Variants in NDRG2 observed in about 807,000 individuals in gnomAD.
NDRG2 encodes the protein protein NDRG2.
A neutral mutation model predicts 58.2 loss-of-function variants in NDRG2; 34 were observed. The ratio of observed to expected loss-of-function variants is 0.58; its 90% CI spans 0.44 to 0.78. The LOEUF is 0.78. NDRG2 is among the 30% of genes least tolerant of loss of function. The pLI, the probability that NDRG2 is intolerant of heterozygous loss-of-function variation, is 0.00. For missense variants in NDRG2, 434 were observed against 471.2 expected (o/e 0.92, Z 0.73); for synonymous variants, 187 against 175.9 (o/e 1.06, Z -0.50).
Position 21,021,895 on chromosome 14 carries a change from A to T in NDRG2, c.345-16T>A. ...GTACTGATATCTGGAAAAGAGAGGC[A>T]TGTTAAGGAAGATACCAACCTGCCC... On this transcript the variant is annotated splice_polypyrimidine_tract_variant and intron_variant, in intron 5 of 15. Coordinates refer to ENST00000556147, the MANE Select transcript of NDRG2 (RefSeq NM_001320329.2). The T allele has an allele frequency of 1.2e-6, 2 of 1,612,556 alleles. No homozygotes were observed. The highest frequency in any genetic ancestry group is 1.7e-6 in the Non-Finnish European group (2 of 1,179,260).
chr14:21,023,101 T>C (rs1334345156), intron 2 of NDRG2, 140 bp downstream of exon 2: 1 of 887,834 alleles, frequency 1.1e-6, no homozygotes. Context: ...CCAATTATAG[T>C]GTATGGGGAG....
intron 1 of NDRG2, among the ~76,000 whole-genome samples, chr14:21,040,468 G>A (rs564250464): frequency 9.8e-5 from 15 of 152,328 alleles, no homozygotes; most frequent in African/African-American, 2.6e-4. Flanking sequence ...TGGGTTGTGC[G>A]ACTTCTCCAC....
At chr14:21,022,544 C>G in intron 3 of NDRG2, 47 bp from the exon 4 acceptor site, 1 of 1,435,298 alleles carries the variant, frequency 7.0e-7, no homozygotes, top group African/African-American at 1.4e-5. Context: ...GGAGACGAGG[C>G]CAGAAAAGGA....
At position 21,070,545 on chromosome 14, in the gene NDRG2, T is replaced by C. The variant is rs554705282; in HGVS notation, c.24+283A>G. On this transcript the variant is annotated intron_variant, in intron 1 of 14. Transcript: ENST00000403829. The surrounding 1 kb of genome is among the most constrained non-coding windows in gnomAD (Gnocchi z 4.7). The stretch of plus-strand genomic sequence containing the variant: ...TCTCCTCCCTCCCATCCCCCCTTCT[T>C]CGATTTGTCTGTCTGCCCGACTGTT... 328 of 1,042,376 alleles carry C rather than the reference T, an allele frequency of 3.1e-4. 1 individual carries two copies. In the African/African-American group the frequency reaches 4.9e-3, roughly 15 times the overall value. 64.6% of individuals were successfully genotyped at this position (1,042,376 alleles called of 1,614,324 possible).
intron 1 of NDRG2, chr14:21,048,243 C>A: frequency 6.6e-6 from 1 of 152,218 alleles, no homozygotes; most frequent in Non-Finnish European, 1.5e-5. Context: ...GCAGTTATAG[C>A]TCTTATCAGG....
intron 8 of NDRG2, 23 bp downstream of exon 8, chr14:21,020,473 T>C (rs1879558348): frequency 1.2e-6 from 2 of 1,605,904 alleles, no homozygotes. Context: ...ACCGTAGGTC[T>C]CAGCACACAG....
rs1199852050 is a variant in NDRG2 at position 21,024,435 on chromosome 14, G to A, written c.-412C>T. ...TTGCCCCAGTTAGTTACTACATTTG[G>A]CCTCAATTTTCTATCTGCAGGGGGA... is the stretch of plus-strand genomic sequence containing the variant. On this transcript the variant is annotated 5_prime_UTR_variant, in exon 1 of 16. Coordinates refer to ENST00000556147, the MANE Select transcript of NDRG2 (RefSeq NM_001320329.2). 2.2e-6 allele frequency: 2 copies of A among 921,006 alleles called. No individual in the cohort carries two copies. Among genetic ancestry groups the A allele is most frequent in the Non-Finnish European group, 2.6e-6 (2 of 771,344 alleles). The allele number at this position is 921,006 out of a possible 1,614,324, so 57.1% of individuals were successfully genotyped here.
chr14:21,063,232 A>ATG (rs924574135), intron 1 of NDRG2, among the ~76,000 whole-genome samples: 20 of 150,880 alleles, frequency 1.3e-4, no homozygotes, highest in African/African-American at 2.7e-4. Flanking sequence ...GTGTGTGTGT[A>ATG]TGTGTGTGTG....
chr14:21,068,820 A>G (rs570530285), intron 1 of NDRG2, among the ~76,000 whole-genome samples: 1 of 152,324 alleles, frequency 6.6e-6, no homozygotes, highest in African/African-American at 2.4e-5. Flanking sequence ...TCTTGCCTCT[A>G]AGAAGGATGA....
At chr14:21,041,844 C>G (rs950880395) in intron 1 of NDRG2, among the ~76,000 whole-genome samples, 3 of 152,158 alleles carry the variant, frequency 2.0e-5, no homozygotes, top group East Asian at 3.9e-4. Context: ...TGCCAGGCCT[C>G]GTGACAGTGA....
chr14:21,037,717 A>C (rs1353925616), intron 1 of NDRG2, among the ~76,000 whole-genome samples: 1 of 152,246 alleles, frequency 6.6e-6, no homozygotes, highest in Non-Finnish European at 1.5e-5. Context: ...AAAAATGATA[A>C]ACATCTGGGA....
chr14:21,023,351 G>A (rs1209928211), intron 1 of NDRG2, 30 bp from the exon 2 acceptor site: 1 of 1,591,076 alleles, frequency 6.3e-7, no homozygotes, highest in Admixed American at 1.7e-5. Flanking sequence ...AGACTGGGAA[G>A]TTGTCTCTAC....
At chr14:21,028,137 T>C (rs574324591), upstream of NDRG2, among the ~76,000 whole-genome samples, 1 of 152,304 alleles carries the variant, frequency 6.6e-6, no homozygotes, top group South Asian at 2.1e-4. Flanking sequence ...CCAGGGACTA[T>C]GCTCCTTCCA....
At chr14:21,058,272 C>T in intron 1 of NDRG2, 1 of 1,614,154 alleles carries the variant, frequency 6.2e-7, no homozygotes, top group East Asian at 2.2e-5. Context: ...CACCTGAACA[C>T]ACCTTACATA....
intron 6 of NDRG2, 122 bp from the exon 7 acceptor site, chr14:21,020,966 G>A (rs1417485824): frequency 3.5e-6 from 4 of 1,131,228 alleles, no homozygotes; most frequent in South Asian, 1.3e-5. Flanking sequence ...GGCAGACACG[G>A]ACCTTTCTTT....
intron 1 of NDRG2, among the ~76,000 whole-genome samples, chr14:21,057,111 A>G (rs759793958): frequency 3.9e-5 from 6 of 152,170 alleles, no homozygotes; most frequent in Non-Finnish European, 7.3e-5. Flanking sequence ...AGAGTGGGGT[A>G]TTGACCTTTC....
At chr14:21,033,080 G>T (rs771029764) in intron 1 of NDRG2, 1 of 432,878 alleles carries the variant, frequency 2.3e-6, no homozygotes, top group Admixed American at 2.7e-5. Context: ...TGGGGAATGG[G>T]TGAGAGAAGA....
In NDRG2 at chr14:21,021,676, A is replaced by G. The variant is rs547724709; in HGVS notation, c.407+141T>C. 1.2e-4 allele frequency: 108 copies of G among 926,204 alleles called. 2 individuals are homozygous for G. The South Asian group carries it at 1.7e-3, about 15-fold the overall frequency. 57.4% of individuals were successfully genotyped at this position (926,204 alleles called of 1,614,324 possible). On this transcript the variant is annotated intron_variant, in intron 6 of 15. Transcript: ENST00000556147. ...AACCCACCACCTTTTCTCAATAATC[A>G]AGGCGGGAGCATGAAGGAAGAAGAT...
At chr14:21,027,416 T>C (rs1232349094), upstream of NDRG2, among the ~76,000 whole-genome samples, 2 of 152,236 alleles carry the variant, frequency 1.3e-5, no homozygotes, top group African/African-American at 4.8e-5. Flanking sequence ...ACATTTGTGA[T>C]GAGAAATGAC....
Sources: allele counts gnomAD v4.1 joint callset (sites outside exome capture counted in the v4.1 genomes callset), GRCh38; gene constraint gnomAD v4.1.1; non-coding constraint Gnocchi (gnomAD v3.1); transcripts MANE v1.5; gene names NCBI Gene and HGNC (gene_info 2026-07-23, HGNC 2026-07-21).